PCSK2: variants seen among roughly 807,000 people sequenced by gnomAD.
PCSK2 encodes the protein proprotein convertase subtilisin/kexin type 2, also known as neuroendocrine convertase 2.
In PCSK2, 14 loss-of-function variants were observed where a neutral mutation model predicts 69.7. The observed-to-expected ratio is 0.20, with a 90% CI of 0.13 to 0.31. PCSK2 has a LOEUF of 0.31. Ranked by LOEUF, PCSK2 falls within the 10% of genes least tolerant of loss-of-function variation. The pLI is 1.00. For missense variants in PCSK2, 544 were observed against 842.5 expected (o/e 0.65, Z 4.39); for synonymous variants, 307 against 320.7 (o/e 0.96, Z 0.46).
intron 5 of PCSK2, among the ~76,000 whole-genome samples, chr20:17,407,910 T>G (rs768124010): frequency 2.4e-4 from 37 of 152,228 alleles, no homozygotes; most frequent in Admixed American, 5.9e-4. Context: ...ACAGCATTTA[T>G]TTAAATAAAT....
At chr20:17,364,752 A>T (rs1210034142) in intron 4 of PCSK2, among the ~76,000 whole-genome samples, 2 of 92,096 alleles carry the variant, frequency 2.2e-5, no homozygotes, top group Non-Finnish European at 5.2e-5. Context: ...GTGGCACAAG[A>T]ATCTGGGAAG....
At chr20:17,447,133 C>T (rs1026023038) in intron 8 of PCSK2, among the ~76,000 whole-genome samples, 15 of 151,748 alleles carry the variant, frequency 9.9e-5, no homozygotes, top group African/African-American at 3.4e-4. Flanking sequence ...TGGCTGGGCA[C>T]AGTGCTATGT....
chr20:17,451,312 A>G (rs962167063), intron 8 of PCSK2, among the ~76,000 whole-genome samples: 1 of 152,158 alleles, frequency 6.6e-6, no homozygotes, highest in Non-Finnish European at 1.5e-5. Context: ...CAATCATTTA[A>G]TTTTGCTCTT....
intron 2 of PCSK2, among the ~76,000 whole-genome samples, chr20:17,267,630 A>G (rs1005399627): frequency 1.6e-4 from 24 of 152,166 alleles, no homozygotes; most frequent in African/African-American, 5.1e-4. Flanking sequence ...AAAGCTGCTA[A>G]TGAGTAAGCC....
intron 10 of PCSK2, among the ~76,000 whole-genome samples, chr20:17,460,413 G>A (rs941916359): frequency 1.3e-5 from 2 of 152,200 alleles, no homozygotes; most frequent in Non-Finnish European, 2.9e-5. Flanking sequence ...CTTCAAGGGA[G>A]GCTGGGAAAT....
At position 17,465,326 on chromosome 20, in the gene PCSK2, C is replaced by T; in HGVS notation, c.1203C>T (p.Asn401=). The change falls in exon 11 of 12, where the codon AAC becomes AAT. Residue 401 remains asparagine, a splice_region_variant and synonymous_variant. Transcript: ENST00000262545. The part of the protein sequence containing the change: ...AGVFALALEA[N]LGLTWRDMQH... Reference sequence around the variant, plus strand: ...CTTGCTCTCTGCTTCCTGTATCCAGCCTGGGTCTGACCTGGCGGGACATGC... The same window carrying T: ...CTTGCTCTCTGCTTCCTGTATCCAGTCTGGGTCTGACCTGGCGGGACATGC... 4.3e-6 allele frequency: 7 copies of T among 1,613,376 alleles called. No individual in the cohort carries two copies. The highest frequency in any genetic ancestry group is 5.1e-6 in the Non-Finnish European group (6 of 1,179,398).
intron 2 of PCSK2, among the ~76,000 whole-genome samples, chr20:17,325,200 A>G (rs567414300): frequency 2.3e-4 from 35 of 152,190 alleles, no homozygotes; most frequent in African/African-American, 7.5e-4. Flanking sequence ...GGCTGTCTCC[A>G]CTTTTACTCA....
At chr20:17,353,111 A>C (rs6080653) in intron 2 of PCSK2, among the ~76,000 whole-genome samples, 4 of 152,098 alleles carry the variant, frequency 2.6e-5, no homozygotes, top group Non-Finnish European at 5.9e-5. Flanking sequence ...ATTGCAGAAA[A>C]GCAAATCAAA....
intron 2 of PCSK2, among the ~76,000 whole-genome samples, chr20:17,295,085 T>C (rs1988842330): frequency 6.6e-6 from 1 of 152,156 alleles, no homozygotes; most frequent in Non-Finnish European, 1.5e-5. Context: ...TATCTCTTGT[T>C]TTTCTCATAG....
At chr20:17,264,851 C>G (rs376388677) in intron 2 of PCSK2, among the ~76,000 whole-genome samples, 2 of 112,528 alleles carry the variant, frequency 1.8e-5, no homozygotes, top group East Asian at 4.8e-4. Flanking sequence ...AGTCTATTTT[C>G]TTTTCTTTCT....
intron 2 of PCSK2, among the ~76,000 whole-genome samples, chr20:17,260,971 C>T (rs527608337): frequency 1.3e-5 from 2 of 152,296 alleles, no homozygotes; most frequent in South Asian, 4.1e-4. Flanking sequence ...CTCTTGGACT[C>T]CAGGTCCCAT....
chr20:17,418,063 C>G (rs551642564), intron 6 of PCSK2, among the ~76,000 whole-genome samples: 333 of 152,106 alleles, frequency 2.2e-3, no homozygotes, highest in Non-Finnish European at 4.0e-3. Context: ...CAACAGATGC[C>G]CAAGTTACTA....
intron 2 of PCSK2, among the ~76,000 whole-genome samples, chr20:17,324,955 A>G (rs1234121564): frequency 6.6e-6 from 1 of 152,116 alleles, no homozygotes; most frequent in Non-Finnish European, 1.5e-5. Context: ...TCGCGAGGCC[A>G]CCATGCTTCT....
intron 5 of PCSK2, among the ~76,000 whole-genome samples, chr20:17,402,330 A>C (rs2031655980): frequency 6.6e-6 from 1 of 152,246 alleles, no homozygotes; most frequent in African/African-American, 2.4e-5. Context: ...AAGTCTGCTG[A>C]TAATGGTGGC....
intron 2 of PCSK2, among the ~76,000 whole-genome samples, chr20:17,304,642 A>T (rs1446253406): frequency 6.6e-6 from 1 of 152,234 alleles, no homozygotes; most frequent in Non-Finnish European, 1.5e-5. Flanking sequence ...ACATTTTTTT[A>T]AAATCTGTGA....
chr20:17,319,879 G>C (rs1037227693), intron 2 of PCSK2, among the ~76,000 whole-genome samples: 1 of 152,094 alleles, frequency 6.6e-6, no homozygotes, highest in Non-Finnish European at 1.5e-5. Flanking sequence ...TGGGCCCAAA[G>C]TCACATGACT....
At chr20:17,299,935 A>T (rs1989021208) in intron 2 of PCSK2, among the ~76,000 whole-genome samples, 1 of 152,206 alleles carries the variant, frequency 6.6e-6, no homozygotes, top group African/African-American at 2.4e-5. Flanking sequence ...ACTCTTTGGA[A>T]TGAACAAAGC....
At chr20:17,283,050 C>A (rs981498136) in intron 2 of PCSK2, among the ~76,000 whole-genome samples, 12 of 152,098 alleles carry the variant, frequency 7.9e-5, no homozygotes. Context: ...ACTGATGAAC[C>A]ATTTGCCATG....
chr20:17,257,837 C>T (rs1600417286), intron 1 of PCSK2, among the ~76,000 whole-genome samples: 1 of 152,118 alleles, frequency 6.6e-6, no homozygotes, highest in East Asian at 1.9e-4. Context: ...TTCTAAGTGT[C>T]CAGGAATATA....
Sources: allele counts gnomAD v4.1 joint callset (sites outside exome capture counted in the v4.1 genomes callset), GRCh38; gene constraint gnomAD v4.1.1; transcripts MANE v1.5; gene names NCBI Gene and HGNC (gene_info 2026-07-23, HGNC 2026-07-21).